The following ADK variants were observed in gnomAD, a reference collection of about 807,000 sequenced individuals.
ADK encodes adenosine kinase, also known as N6,N6-dimethyladenosine kinase.
In ADK, 24 loss-of-function variants were observed where a neutral mutation model predicts 44.7. The ratio of observed to expected loss-of-function variants is 0.54; its 90% CI spans 0.39 to 0.76. ADK has a LOEUF of 0.76. Among genes scored for constraint, ADK ranks in the 30% least tolerant of loss-of-function variants. ADK has a pLI of 0.00. For synonymous variants in ADK, 128 were observed against 142.6 expected (o/e 0.90, Z 0.73); for missense variants, 321 against 425.1 (o/e 0.76, Z 2.15).
At chr10:74,431,235 G>A (rs1173205813) in intron 6 of ADK, among the ~76,000 whole-genome samples, 2 of 151,876 alleles carry the variant, frequency 1.3e-5, no homozygotes, top group African/African-American at 2.4e-5. Flanking sequence ...AAGGAAAGGA[G>A]GCAAGAATGA....
rs372996134 is a variant in ADK at position 74,543,855 on chromosome 10, CT to C, written c.726+18439del. On this transcript the variant is annotated intron_variant, in intron 7 of 10. Transcript: ENST00000539909. Reference sequence around the variant, plus strand: ...GTACAGATTTTAAAGACTCTTTTATCTTTTTTTTTTCTTTTTTTTGCTATTT... The same window carrying C: ...GTACAGATTTTAAAGACTCTTTTATCTTTTTTTTTCTTTTTTTTGCTATTT... Among the ~76,000 whole-genome samples, 427 of 148,908 alleles carry C rather than the reference CT, an allele frequency of 2.9e-3. 2 individuals are homozygous for C. Among genetic ancestry groups the C allele is most frequent in the African/African-American group, 8.2e-3 (333 of 40,626 alleles).
At chr10:74,519,177 A>G (rs1235715479) in intron 6 of ADK, among the ~76,000 whole-genome samples, 2 of 151,988 alleles carry the variant, frequency 1.3e-5, no homozygotes, top group Non-Finnish European at 2.9e-5. Flanking sequence ...TTCATAGTAC[A>G]TCTTTGAAAT....
At chr10:74,212,084 A>G (rs1418786775) in intron 2 of ADK, among the ~76,000 whole-genome samples, 1 of 152,158 alleles carries the variant, frequency 6.6e-6, no homozygotes, top group East Asian at 1.9e-4. Flanking sequence ...TTGAATCTTT[A>G]TGTCATTTCA....
At chr10:74,300,593 G>A (rs1486984756) in intron 3 of ADK, among the ~76,000 whole-genome samples, 1 of 152,004 alleles carries the variant, frequency 6.6e-6, no homozygotes, top group African/African-American at 2.4e-5. Flanking sequence ...TGACCAGCCT[G>A]GTCTCAAACT....
At chr10:74,511,533 T>C (rs916876299) in intron 6 of ADK, among the ~76,000 whole-genome samples, 3 of 152,192 alleles carry the variant, frequency 2.0e-5, no homozygotes, top group African/African-American at 7.2e-5. Context: ...GTTCAGTTTG[T>C]TCCCAAGATT....
intron 1 of ADK, among the ~76,000 whole-genome samples, chr10:74,184,210 G>C (rs1842663497): frequency 6.6e-6 from 1 of 152,204 alleles, no homozygotes; most frequent in African/African-American, 2.4e-5. Context: ...GAGCCACTGT[G>C]CCCGGCAGAG....
At chr10:74,654,328 A>G (rs1301382110) in intron 9 of ADK, among the ~76,000 whole-genome samples, 2 of 152,242 alleles carry the variant, frequency 1.3e-5, no homozygotes, top group African/African-American at 2.4e-5. Context: ...TTCTATAACT[A>G]TGACGCCTTG....
chr10:74,162,109 C>T (rs1339875430), intron 1 of ADK, among the ~76,000 whole-genome samples: 1 of 152,102 alleles, frequency 6.6e-6, no homozygotes. Flanking sequence ...CAACCCCCGC[C>T]TTCTGGTTTC....
intron 6 of ADK, among the ~76,000 whole-genome samples, chr10:74,411,927 A>G (rs1223680999): frequency 1.3e-5 from 2 of 152,234 alleles, no homozygotes; most frequent in Non-Finnish European, 2.9e-5. Flanking sequence ...AGTAGATTCC[A>G]TGTCAAGAAA....
At chr10:74,401,723 G>A (rs1371521264) in intron 6 of ADK, among the ~76,000 whole-genome samples, 2 of 152,232 alleles carry the variant, frequency 1.3e-5, no homozygotes, top group Admixed American at 1.3e-4. Flanking sequence ...TTTAATTGGG[G>A]CGTTTAGCCC....
At chr10:74,265,933 T>G (rs749514854) in intron 3 of ADK, among the ~76,000 whole-genome samples, 2 of 152,064 alleles carry the variant, frequency 1.3e-5, no homozygotes, top group Non-Finnish European at 2.9e-5. Flanking sequence ...CTTGTGATGA[T>G]AATATAGGTT....
At chr10:74,245,868 A>AT (rs1845397840) in intron 3 of ADK, among the ~76,000 whole-genome samples, 1 of 152,276 alleles carries the variant, frequency 6.6e-6, no homozygotes, top group Admixed American at 6.5e-5. Flanking sequence ...GATTACAGGC[A>AT]TAAGCTACTG....
chr10:74,458,936 C>T (rs1380164617), intron 6 of ADK, among the ~76,000 whole-genome samples: 2 of 152,058 alleles, frequency 1.3e-5, no homozygotes, highest in Non-Finnish European at 2.9e-5. Flanking sequence ...CATATATACT[C>T]TACCTTAACA....
At chr10:74,396,122 G>C (rs1471347305) in intron 5 of ADK, among the ~76,000 whole-genome samples, 4 of 152,008 alleles carry the variant, frequency 2.6e-5, no homozygotes, top group Non-Finnish European at 5.9e-5. Context: ...AGATGATATG[G>C]GACTCAAAAA....
At chr10:74,325,009 A>T (rs1840957459) in intron 4 of ADK, among the ~76,000 whole-genome samples, 1 of 151,888 alleles carries the variant, frequency 6.6e-6, no homozygotes, top group African/African-American at 2.4e-5. Context: ...GAATTTTAGA[A>T]TTTTTTTTCT....
chr10:74,303,215 A>C (rs1387975202), intron 3 of ADK, among the ~76,000 whole-genome samples: 3 of 152,184 alleles, frequency 2.0e-5, no homozygotes, highest in Non-Finnish European at 4.4e-5. Flanking sequence ...TGACACTTAT[A>C]GTTGTTAATA....
chr10:74,311,862 C>A (rs921701043), intron 3 of ADK, among the ~76,000 whole-genome samples: 1 of 152,054 alleles, frequency 6.6e-6, no homozygotes, highest in African/African-American at 2.4e-5. Flanking sequence ...GTAGTGCAAT[C>A]ACTGTTAAAA....
At chr10:74,229,067 T>A (rs1294552698) in intron 3 of ADK, among the ~76,000 whole-genome samples, 2 of 152,238 alleles carry the variant, frequency 1.3e-5, no homozygotes, top group East Asian at 1.9e-4. Flanking sequence ...CCATTATGAT[T>A]TTTTAATGTC....
At chr10:74,219,570 T>C (rs1844211175) in intron 2 of ADK, among the ~76,000 whole-genome samples, 1 of 152,154 alleles carries the variant, frequency 6.6e-6, no homozygotes, top group African/African-American at 2.4e-5. Context: ...ATATACATTT[T>C]TTTCAGCACC....
Sources: gnomAD v4.1 joint callset for allele counts (sites outside exome capture counted in the v4.1 genomes callset) on GRCh38, gnomAD v4.1.1 for gene constraint, MANE v1.5 for transcripts, NCBI Gene and HGNC (gene_info 2026-07-23, HGNC 2026-07-21) for gene names.